RCL1: variants seen among roughly 807,000 people sequenced by gnomAD.
RCL1 encodes the protein RNA 3'-terminal phosphate cyclase-like protein.
RCL1 carries 24 observed loss-of-function variants against 42.4 expected under a neutral mutation model. The ratio of observed to expected loss-of-function variants is 0.57; its 90% CI spans 0.41 to 0.80. The LOEUF (loss-of-function observed/expected upper bound fraction) is 0.80, where lower values mean the gene tolerates loss of function less well. Among genes scored for constraint, RCL1 ranks in the 30% least tolerant of loss-of-function variants. The probability of loss-of-function intolerance (pLI) is 0.00; values close to 1 mark genes in which losing one functional copy is unlikely to be tolerated. For synonymous variants in RCL1, 228 were observed against 177.3 expected (o/e 1.29, Z -2.27); for missense variants, 578 against 467.9 (o/e 1.24, Z -2.17).
At chr9:4,833,260 C>G in intron 4 of RCL1, 32 bp downstream of exon 4, 1 of 1,526,736 alleles carries the variant, frequency 6.5e-7, no homozygotes, top group Non-Finnish European at 9.1e-7. Context: ...ACCATATGTT[C>G]CTGTGGAAAA....
intron 8 of RCL1, among the ~76,000 whole-genome samples, chr9:4,852,828 A>G (rs1156304908): frequency 2.0e-5 from 3 of 151,132 alleles, no homozygotes; most frequent in African/African-American, 7.3e-5. Context: ...CAGTGTGGCT[A>G]GAGTAGCCCG....
chr9:4,850,314 A>G (rs894878476), intron 8 of RCL1: 1 of 534,206 alleles, frequency 1.9e-6, no homozygotes. Flanking sequence ...TTTTTCGGTT[A>G]TCATGGTACC....
At chr9:4,849,070 T>C (rs1252042598) in intron 7 of RCL1, among the ~76,000 whole-genome samples, 1 of 150,968 alleles carries the variant, frequency 6.6e-6, no homozygotes, top group African/African-American at 2.4e-5. Flanking sequence ...GAATTAACTC[T>C]ACATCTTCTA....
rs1842852599 is a variant in RCL1, at chr9:4,792,981, C to G, written c.-111C>G. On this transcript the variant is annotated 5_prime_UTR_variant, in exon 1 of 9. Transcript: ENST00000381750. ...CGCGTCTGGGCTGCTGGAGGCAGCC[C>G]GAGCCGCCGCCGTCGGTGTCGCCGC... 29 of 1,311,276 alleles carry G rather than the reference C, an allele frequency of 2.2e-5. No homozygotes were observed. In the South Asian group the frequency reaches 3.6e-4, roughly 16 times the overall value. The allele number at this position is 1,311,276 out of a possible 1,614,324, so 81.2% of individuals were successfully genotyped here. A position where few individuals can be genotyped will look rare whatever the true frequency, so the allele number is the denominator to read the frequency against.
At chr9:4,793,758 G>A (rs1189493273) in intron 1 of RCL1, among the ~76,000 whole-genome samples, 1 of 152,176 alleles carries the variant, frequency 6.6e-6, no homozygotes, top group Non-Finnish European at 1.5e-5. Flanking sequence ...CCTTGGGTGT[G>A]GATAAAGAAA....
intron 1 of RCL1, among the ~76,000 whole-genome samples, chr9:4,812,119 G>C (rs1231341232): frequency 6.6e-6 from 1 of 152,110 alleles, no homozygotes; most frequent in Non-Finnish European, 1.5e-5. Context: ...TGGATAGTTT[G>C]TATTTTTCTT....
In RCL1 at chr9:4,860,601, A is replaced by ACTAGCATAGGCTTCCTCAGCCCT; in HGVS notation, c.*329_*330insGCATAGGCTTCCTCAGCCCTCTA. The ACTAGCATAGGCTTCCTCAGCCCT allele has an allele frequency of 4.1e-6, 1 of 243,402 alleles. No individual in the cohort carries two copies. Among genetic ancestry groups the ACTAGCATAGGCTTCCTCAGCCCT allele is most frequent in the Middle Eastern group, 1.3e-3 (1 of 772 alleles). The allele number at this position is 243,402 out of a possible 1,614,324, so 15.1% of individuals were successfully genotyped here. On this transcript the variant is annotated 3_prime_UTR_variant, in exon 9 of 9. Coordinates refer to ENST00000381750, the MANE Select transcript of RCL1 (RefSeq NM_005772.5). Reference sequence around the variant, plus strand: ...CAGTTCAGCTGTGCTTCCTCAGCCTACTATCATAGGCTTCCTCAGCCCTCT... The same window carrying ACTAGCATAGGCTTCCTCAGCCCT: ...CAGTTCAGCTGTGCTTCCTCAGCCTACTAGCATAGGCTTCCTCAGCCCTCTATCATAGGCTTCCTCAGCCCTCT...
At chr9:4,851,912 G>T (rs1282912128) in intron 8 of RCL1, among the ~76,000 whole-genome samples, 1 of 111,122 alleles carries the variant, frequency 9.0e-6, no homozygotes, top group East Asian at 2.8e-4. Context: ...ACAGAGTTTC[G>T]CTCTGTCGCC....
chr9:4,794,978 C>A (rs1057380544), intron 1 of RCL1, among the ~76,000 whole-genome samples: 1 of 152,122 alleles, frequency 6.6e-6, no homozygotes, highest in Non-Finnish European at 1.5e-5. Flanking sequence ...ATTTGCCTTA[C>A]CCCGTTCATA....
intron 8 of RCL1, among the ~76,000 whole-genome samples, chr9:4,857,537 C>T (rs1001017462): frequency 3.9e-5 from 6 of 152,056 alleles, no homozygotes; most frequent in Non-Finnish European, 8.8e-5. Context: ...GTTGCTTCTA[C>T]GTTTTGACTC....
intron 8 of RCL1, among the ~76,000 whole-genome samples, chr9:4,855,268 C>T (rs147893782): frequency 6.6e-6 from 1 of 151,876 alleles, no homozygotes; most frequent in Non-Finnish European, 1.5e-5. Flanking sequence ...GCATAGAGCC[C>T]CTACTGCCTA....
intron 1 of RCL1, among the ~76,000 whole-genome samples, chr9:4,813,406 A>G (rs190253772): frequency 2.2e-4 from 33 of 152,362 alleles, no homozygotes; most frequent in African/African-American, 7.7e-4. Context: ...TCAAAAGAAG[A>G]TATTTATGCA....
At chr9:4,796,482 A>G (rs1471038699) in intron 1 of RCL1, among the ~76,000 whole-genome samples, 1 of 152,078 alleles carries the variant, frequency 6.6e-6, no homozygotes, top group Non-Finnish European at 1.5e-5. Flanking sequence ...TGTAGCCTCA[A>G]CCTCTTGGGC....
intron 1 of RCL1, among the ~76,000 whole-genome samples, chr9:4,806,043 TG>T (rs1333532113): frequency 2.4e-4 from 24 of 100,060 alleles, no homozygotes; most frequent in African/African-American, 7.0e-4. Flanking sequence ...TGTGTGTGTG[TG>T]TTTGTGTGTG....
intron 7 of RCL1, among the ~76,000 whole-genome samples, chr9:4,847,271 T>A (rs1279560807): frequency 6.6e-6 from 1 of 152,232 alleles, no homozygotes; most frequent in Non-Finnish European, 1.5e-5. Flanking sequence ...GAAAACTTCC[T>A]TTTTATGTCT....
chr9:4,845,853 CTTCT>C (rs1321268761), intron 7 of RCL1, among the ~76,000 whole-genome samples: 1 of 152,216 alleles, frequency 6.6e-6, no homozygotes, highest in Non-Finnish European at 1.5e-5. Flanking sequence ...GCTGAAGAGA[CTTCT>C]TTCTTTGTAT....
intron 5 of RCL1, among the ~76,000 whole-genome samples, chr9:4,835,537 AAGG>A (rs1817093111): frequency 6.6e-6 from 1 of 152,178 alleles, no homozygotes; most frequent in Non-Finnish European, 1.5e-5. Context: ...CAGGAAAGAG[AAGG>A]AGAAGGAAGG....
chr9:4,860,311 C>T lies in RCL1; in HGVS notation c.*36C>T, dbSNP rs1314410398. 2 of 1,601,002 alleles carry T rather than the reference C, an allele frequency of 1.2e-6. No individual in the cohort carries two copies. The highest frequency in any genetic ancestry group is 1.8e-5 in the Admixed American group (1 of 56,788). On this transcript the variant is annotated 3_prime_UTR_variant, in exon 9 of 9. Coordinates refer to ENST00000381750, the MANE Select transcript of RCL1 (RefSeq NM_005772.5). The stretch of plus-strand genomic sequence containing the variant: ...AAGATAAGGCCCCAATGCCTACAGA[C>T]AAAGCAGAAGCTGCCACGGACACCA...
intron 1 of RCL1, among the ~76,000 whole-genome samples, chr9:4,823,012 C>T (rs956855456): frequency 2.6e-5 from 4 of 151,890 alleles, no homozygotes; most frequent in African/African-American, 9.7e-5. Context: ...TAGTTGAAAT[C>T]AGTAGGATGG....
Sources: allele counts gnomAD v4.1 joint callset (sites outside exome capture counted in the v4.1 genomes callset), GRCh38; gene constraint gnomAD v4.1.1; transcripts MANE v1.5; gene names NCBI Gene and HGNC (gene_info 2026-07-23, HGNC 2026-07-21).